Variants in MCTP1 observed in about 807,000 individuals in gnomAD.
MCTP1 encodes multiple C2 and transmembrane domain-containing protein 1.
In MCTP1, 69 loss-of-function variants were observed where a neutral mutation model predicts 120.6. That is an observed-to-expected ratio of 0.57 (90% CI 0.47 to 0.70). MCTP1 has a LOEUF of 0.70. Ranked by LOEUF, MCTP1 falls within the 30% of genes least tolerant of loss-of-function variation. The probability of loss-of-function intolerance (pLI) is 0.00; values close to 1 mark genes in which losing one functional copy is unlikely to be tolerated. For synonymous variants in MCTP1, 529 were observed against 493.1 expected (o/e 1.07, Z -0.96); for missense variants, 1,203 against 1,248.8 (o/e 0.96, Z 0.55).
At chr5:94,928,499 A>C (rs2153474569) in intron 6 of MCTP1, among the ~76,000 whole-genome samples, 1 of 152,310 alleles carries the variant, frequency 6.6e-6, no homozygotes, top group Non-Finnish European at 1.5e-5. Flanking sequence ...TTGTCACATA[A>C]GTGTAACTCT....
At chr5:94,919,716 G>A (rs1389663077) in intron 7 of MCTP1, among the ~76,000 whole-genome samples, 1 of 152,124 alleles carries the variant, frequency 6.6e-6, no homozygotes, top group Non-Finnish European at 1.5e-5. Flanking sequence ...GACGAGTGTG[G>A]AGCAATTAGC....
intron 1 of MCTP1, among the ~76,000 whole-genome samples, chr5:95,186,849 A>C (rs1749263756): frequency 6.6e-6 from 1 of 152,220 alleles, no homozygotes; most frequent in African/African-American, 2.4e-5. Flanking sequence ...CACAGAAGAG[A>C]ACCCAGAATC....
At chr5:95,202,470 CA>C (rs929085377) in intron 1 of MCTP1, among the ~76,000 whole-genome samples, 3 of 152,194 alleles carry the variant, frequency 2.0e-5, no homozygotes, top group African/African-American at 7.2e-5. Flanking sequence ...ACTTCCCTAA[CA>C]AATCTTATCT....
At chr5:94,734,307 G>A (rs530800279) in intron 19 of MCTP1, among the ~76,000 whole-genome samples, 18 of 152,266 alleles carry the variant, frequency 1.2e-4, no homozygotes, top group African/African-American at 4.3e-4. Context: ...AACATGTATT[G>A]TACTTCTTTC....
chr5:95,113,806 G>A (rs1562153538), intron 1 of MCTP1, among the ~76,000 whole-genome samples: 1 of 152,104 alleles, frequency 6.6e-6, no homozygotes, highest in Non-Finnish European at 1.5e-5. Flanking sequence ...CACGAGCCAG[G>A]GTAGCTAAGG....
chr5:95,130,978 GT>G lies in MCTP1; in HGVS notation c.721-113495del, dbSNP rs374654916. ...TTGTTTGAGGAAAATTCCGGGACAC[GT>G]TTTGGTTTTGTTTTGTTTTAACAAA... is the stretch of plus-strand genomic sequence containing the variant. On this transcript the variant is annotated intron_variant, in intron 1 of 22. Transcript: ENST00000515393. Among the ~76,000 whole-genome samples, 1,373 of 152,216 alleles carry G rather than the reference GT, an allele frequency of 9.0e-3. 10 individuals carry two copies. The highest frequency in any genetic ancestry group is 0.02 in the Middle Eastern group (6 of 294).
intron 19 of MCTP1, among the ~76,000 whole-genome samples, chr5:94,761,936 C>A (rs750491071): frequency 8.5e-5 from 13 of 152,180 alleles, no homozygotes; most frequent in Non-Finnish European, 1.8e-4. Flanking sequence ...AACCAAGCTG[C>A]CATGGTATGA....
At chr5:94,985,113 C>T (rs1027392076) in intron 2 of MCTP1, among the ~76,000 whole-genome samples, 2 of 151,958 alleles carry the variant, frequency 1.3e-5, no homozygotes, top group African/African-American at 4.8e-5. Flanking sequence ...AGCAAGTACT[C>T]GAGAAAAGAT....
chr5:94,715,306 A>C (rs1468561973), intron 19 of MCTP1, among the ~76,000 whole-genome samples: 2 of 145,530 alleles, frequency 1.4e-5, no homozygotes, highest in Non-Finnish European at 3.0e-5. Flanking sequence ...GTGGCTCCAG[A>C]TATTTCAGCA....
At position 94,844,796 on chromosome 5, in the gene MCTP1, T is replaced by G. The variant is rs370372496; in HGVS notation, c.2436+23537A>C. The stretch of plus-strand genomic sequence containing the variant: ...CCTTCCTCCCACACCAATTTCTGGT[T>G]TCTTTTTTCCATCTTTTGAGACTGT... On this transcript the variant is annotated intron_variant, in intron 17 of 22. Transcript: ENST00000515393. 1.5e-4 allele frequency among the ~76,000 whole-genome samples: 23 copies of G among 152,332 alleles called. 1 individual carries two copies. Among genetic ancestry groups the G allele is most frequent in the African/African-American group, 5.5e-4 (23 of 41,588 alleles).
At chr5:94,761,506 T>A (rs1441551550) in intron 19 of MCTP1, among the ~76,000 whole-genome samples, 1 of 152,212 alleles carries the variant, frequency 6.6e-6, no homozygotes, top group Admixed American at 6.5e-5. Flanking sequence ...TGAATCTACC[T>A]GACAATATGA....
At chr5:94,831,784 T>C (rs1201073913) in intron 17 of MCTP1, among the ~76,000 whole-genome samples, 2 of 152,214 alleles carry the variant, frequency 1.3e-5, no homozygotes, top group Non-Finnish European at 2.9e-5. Flanking sequence ...GAACACAATA[T>C]ATACATATTT....
At chr5:95,197,825 A>T (rs1750565037) in intron 1 of MCTP1, among the ~76,000 whole-genome samples, 1 of 152,158 alleles carries the variant, frequency 6.6e-6, no homozygotes, top group African/African-American at 2.4e-5. Context: ...AGATACCAAA[A>T]TCTACAGATG....
At chr5:94,735,146 G>A (rs1178189302) in intron 19 of MCTP1, among the ~76,000 whole-genome samples, 1 of 152,118 alleles carries the variant, frequency 6.6e-6, no homozygotes, top group Non-Finnish European at 1.5e-5. Flanking sequence ...AAAAGAGATT[G>A]TACAGTTTCC....
chr5:95,024,141 G>A (rs1201227049), intron 1 of MCTP1: 3 of 426,866 alleles, frequency 7.0e-6, no homozygotes, highest in Admixed American at 5.1e-5. Flanking sequence ...TGTTGCCTCT[G>A]CTTTTGGGGT....
chr5:94,963,857 C>A (rs1824953078), intron 2 of MCTP1, among the ~76,000 whole-genome samples: 1 of 152,106 alleles, frequency 6.6e-6, no homozygotes, highest in Non-Finnish European at 1.5e-5. Context: ...GTTGCCTGTG[C>A]TTTTGGCATC....
chr5:95,019,085 G>A (rs1340082835), intron 1 of MCTP1, among the ~76,000 whole-genome samples: 1 of 151,896 alleles, frequency 6.6e-6, no homozygotes, highest in East Asian at 1.9e-4. Flanking sequence ...AAAACATCAT[G>A]GGCACTTTTC....
intron 17 of MCTP1, among the ~76,000 whole-genome samples, chr5:94,802,120 C>A (rs1363875592): frequency 6.6e-6 from 1 of 152,072 alleles, no homozygotes; most frequent in African/African-American, 2.4e-5. Flanking sequence ...AATAGAAAAA[C>A]CATCTCCTTT....
intron 1 of MCTP1, among the ~76,000 whole-genome samples, chr5:95,086,309 C>A (rs1479519380): frequency 6.6e-6 from 1 of 152,106 alleles, no homozygotes; most frequent in Non-Finnish European, 1.5e-5. Flanking sequence ...TCAATACATA[C>A]ACATTTACAG....
Sources: allele counts gnomAD v4.1 joint callset (sites outside exome capture counted in the v4.1 genomes callset), GRCh38; gene constraint gnomAD v4.1.1; transcripts MANE v1.5; gene names NCBI Gene and HGNC (gene_info 2026-07-23, HGNC 2026-07-21).